The following BCO1 variants were observed in gnomAD, a reference collection of about 807,000 sequenced individuals.
BCO1 encodes the protein beta-carotene oxygenase 1.
BCO1 carries 54 observed loss-of-function variants against 56.3 expected under a neutral mutation model. The observed-to-expected ratio is 0.96, with a 90% CI of 0.77 to 1.20. The LOEUF (loss-of-function observed/expected upper bound fraction) is 1.20. BCO1 is among the 50% of genes most tolerant of loss of function. The pLI, the probability that BCO1 is intolerant of heterozygous loss-of-function variation, is 0.00. For missense variants in BCO1, 801 were observed against 690.9 expected, an observed-to-expected ratio of 1.16 and a Z score of -1.79; for synonymous variants, 318 against 266.1, an observed-to-expected ratio of 1.20 and a Z score of -1.90.
intron 2 of BCO1, among the ~76,000 whole-genome samples, chr16:81,249,045 A>T (rs1436579177): frequency 1.3e-5 from 2 of 150,738 alleles, no homozygotes; most frequent in African/African-American, 4.9e-5. Flanking sequence ...TCCTTCCATG[A>T]GGCCTTGCTT....
chr16:81,290,667 C>G lies in BCO1; in HGVS notation c.*90C>G. 9.7e-7 allele frequency: 1 copy of G among 1,032,266 alleles called. No individual in the cohort carries two copies. The allele number at this position is 1,032,266 out of a possible 1,614,324, so 63.9% of individuals were successfully genotyped here. On this transcript the variant is annotated 3_prime_UTR_variant, in exon 11 of 11. Coordinates refer to ENST00000258168, the MANE Select transcript of BCO1 (RefSeq NM_017429.3). ...GGATGGAGGGGAGGGCCTTTGTTAC[C>G]TTTTGCACTTATTCTTTCTGTGGGT...
intron 6 of BCO1, among the ~76,000 whole-genome samples, chr16:81,269,836 G>C (rs1907072928): frequency 6.6e-6 from 1 of 152,168 alleles, no homozygotes. Flanking sequence ...CCAGGGAGCT[G>C]GGATGTCAGG....
intron 6 of BCO1, among the ~76,000 whole-genome samples, chr16:81,269,661 G>T (rs1419746599): frequency 6.6e-6 from 1 of 152,118 alleles, no homozygotes; most frequent in Non-Finnish European, 1.5e-5. Context: ...TAGAGATGGG[G>T]TTTTGCCATG....
intron 1 of BCO1, among the ~76,000 whole-genome samples, chr16:81,244,385 A>C (rs1221120253): frequency 6.6e-6 from 1 of 151,996 alleles, no homozygotes; most frequent in Non-Finnish European, 1.5e-5. Context: ...AGATATTATC[A>C]GTTCAACATG....
At chr16:81,248,524 G>C (rs922322370) in intron 2 of BCO1, among the ~76,000 whole-genome samples, 3 of 151,868 alleles carry the variant, frequency 2.0e-5, no homozygotes, top group Non-Finnish European at 2.9e-5. Context: ...CATGAATAGA[G>C]ACACGATGGG....
At chr16:81,249,235 C>T (rs1457223840) in intron 2 of BCO1, among the ~76,000 whole-genome samples, 3 of 151,846 alleles carry the variant, frequency 2.0e-5, no homozygotes, top group Non-Finnish European at 4.4e-5. Flanking sequence ...GGATTACAGG[C>T]ACATGCCACC....
chr16:81,245,354 A>G (rs1905340391), intron 1 of BCO1, 121 bp from the exon 2 acceptor site: 1 of 1,452,336 alleles, frequency 6.9e-7, no homozygotes, highest in African/African-American at 1.4e-5. Flanking sequence ...TGTAGAATAA[A>G]CGAACAGATG....
intron 7 of BCO1, among the ~76,000 whole-genome samples, chr16:81,272,032 C>T (rs566695514): frequency 6.6e-6 from 1 of 152,062 alleles, no homozygotes; most frequent in African/African-American, 2.4e-5. Context: ...CAGGTGTGAG[C>T]CACAGTGCCC....
In BCO1 at chr16:81,238,949, A is replaced by G. The variant is rs142824860; in HGVS notation, c.41A>G (p.Glu14Gly). The change falls in exon 1 of 11, where the codon GAG becomes GGG. Residue 14 changes from glutamate to glycine, a missense_variant. By Grantham distance (98) the Glu-to-Gly change is moderately conservative. Transcript: ENST00000258168. ...IFGRNRKEQL[E>G]PVRAKVTGKI... is the part of the protein sequence containing the mutation. ...GGCAGGAATAGGAAAGAACAGCTGG[A>G]GCCTGTGAGGGCCAAAGTGACAGGT... 36 of 1,613,932 alleles carry G rather than the reference A, an allele frequency of 2.2e-5. No individual in the cohort carries two copies. The African/African-American group carries it at 2.7e-4, about 12-fold the overall frequency.
rs554343067 is a variant in BCO1 at position 81,255,103 on chromosome 16, A to G, written c.194-4573A>G. Among the ~76,000 whole-genome samples the G allele has an allele frequency of 7.2e-5, 11 of 152,322 alleles. No individual in the cohort carries two copies. In the South Asian group the frequency reaches 1.9e-3, roughly 26 times the overall value. ...TGGCCCCAGGTCCTGTTTCTTGATC[A>G]GGATGTAGTTTGCGTGGGTAGCTCC... On this transcript the variant is annotated intron_variant, in intron 2 of 10. Coordinates refer to ENST00000258168, the MANE Select transcript of BCO1 (RefSeq NM_017429.3).
chr16:81,260,601 C>G (rs1041779030), intron 3 of BCO1, among the ~76,000 whole-genome samples: 1 of 152,154 alleles, frequency 6.6e-6, no homozygotes, highest in African/African-American at 2.4e-5. Context: ...CTCTGCCCCC[C>G]AGGTTCAAGT....
At chr16:81,242,286 C>G (rs1905163358) in intron 1 of BCO1, among the ~76,000 whole-genome samples, 1 of 149,976 alleles carries the variant, frequency 6.7e-6, no homozygotes, top group Non-Finnish European at 1.5e-5. Context: ...CTGCAATCTC[C>G]TCCTCCTAGG....
At chr16:81,239,454 A>C (rs1323184404) in intron 1 of BCO1, among the ~76,000 whole-genome samples, 1 of 152,170 alleles carries the variant, frequency 6.6e-6, no homozygotes, top group Non-Finnish European at 1.5e-5. Flanking sequence ...TCTTTTACAC[A>C]TTATAACTCC....
chr16:81,262,138 C>G lies in BCO1; in HGVS notation c.326C>G (p.Ala109Gly), dbSNP rs199710262. 11 of 1,613,788 alleles carry G rather than the reference C, an allele frequency of 6.8e-6. No homozygotes were observed. The East Asian group carries it at 2.2e-4, about 33-fold the overall frequency. ...PDPCKNIFSK[A>G]FSYLSHTIPD... is the part of the protein sequence containing the mutation. The stretch of plus-strand genomic sequence containing the variant: ...TGTTGATTTGCTTTTCTCCCCAGAG[C>G]TTTCTCCTACTTGTCTCACACCATC... Residue 109 changes from alanine (A) to glycine (G), a missense_variant and splice_region_variant, in exon 4 of 11, where the codon GCT becomes GGT. Ala to Gly is a moderately conservative substitution (Grantham distance 60). Coordinates refer to ENST00000258168, the MANE Select transcript of BCO1 (RefSeq NM_017429.3).
intron 1 of BCO1, among the ~76,000 whole-genome samples, chr16:81,242,809 C>T (rs1345998705): frequency 4.6e-5 from 7 of 152,144 alleles, no homozygotes; most frequent in Non-Finnish European, 8.8e-5. Context: ...AGCATTACGG[C>T]CCGAGTTCTG....
intron 10 of BCO1, 74 bp from the exon 11 acceptor site, chr16:81,290,274 G>C (rs1597379149): frequency 3.3e-6 from 4 of 1,221,834 alleles, no homozygotes; most frequent in Admixed American, 1.7e-5. Flanking sequence ...AGGGCAGAGA[G>C]ACATGCTGAG....
chr16:81,251,937 C>G (rs117267368), intron 2 of BCO1, among the ~76,000 whole-genome samples: 333 of 151,116 alleles, frequency 2.2e-3, no homozygotes, highest in Non-Finnish European at 3.4e-3. Flanking sequence ...TCAAACTTGA[C>G]CTAGTTCTAG....
In BCO1 at chr16:81,262,214, C is replaced by G; in HGVS notation, c.402C>G (p.Asp134Glu). 2.5e-6 allele frequency: 4 copies of G among 1,613,980 alleles called. No individual in the cohort carries two copies. Among genetic ancestry groups the G allele is most frequent in the Non-Finnish European group, 3.4e-6 (4 of 1,179,874 alleles). Residue 134 changes from aspartate (D) to glutamate (E), a missense_variant, in exon 4 of 11, where the codon GAC (aspartate) becomes GAG (glutamate). Transcript: ENST00000258168. ...CLINIMKCGE[D>E]FYATSETNYI... ...TCAACATCATGAAGTGCGGAGAAGA[C>G]TTCTACGCGACCTCAGAGACCAATT...
At chr16:81,289,421 C>A (rs898048353) in intron 10 of BCO1, among the ~76,000 whole-genome samples, 13 of 152,024 alleles carry the variant, frequency 8.6e-5, no homozygotes, top group Admixed American at 1.3e-4. Flanking sequence ...GTAGGCAGAT[C>A]GCTTGAGCCC....
Sources: gnomAD v4.1 joint callset for allele counts (sites outside exome capture counted in the v4.1 genomes callset) on GRCh38, gnomAD v4.1.1 for gene constraint, MANE v1.5 for transcripts, NCBI Gene and HGNC (gene_info 2026-07-23, HGNC 2026-07-21) for gene names.